Variants in CSMD1 observed in about 807,000 individuals in gnomAD.
CSMD1 encodes the protein CUB and Sushi multiple domains 1, also known as CUB and sushi domain-containing protein 1.
In CSMD1, 213 loss-of-function variants were observed where a neutral mutation model predicts 417.5. The ratio of observed to expected loss-of-function variants is 0.51; its 90% CI spans 0.46 to 0.57. The LOEUF (loss-of-function observed/expected upper bound fraction) is 0.57. CSMD1 is among the 20% of genes least tolerant of loss of function. CSMD1 has a pLI of 0.00. For synonymous variants in CSMD1, 2,862 were observed against 1,736.8 expected (o/e 1.65, Z -16.11); for missense variants, 6,923 against 4,529.7 (o/e 1.53, Z -15.17).
At chr8:4,761,158 T>C (rs1434885414) in intron 1 of CSMD1, among the ~76,000 whole-genome samples, 1 of 152,032 alleles carries the variant, frequency 6.6e-6, no homozygotes. Flanking sequence ...ATGAAAAAAG[T>C]CACTATGAAA....
At chr8:4,002,094 T>G (rs573478328) in intron 4 of CSMD1, among the ~76,000 whole-genome samples, 1 of 152,280 alleles carries the variant, frequency 6.6e-6, no homozygotes, top group African/African-American at 2.4e-5. Flanking sequence ...TAATTGAATA[T>G]TACACATATA....
At chr8:4,701,172 G>A (rs1807513850) in intron 1 of CSMD1, among the ~76,000 whole-genome samples, 1 of 151,984 alleles carries the variant, frequency 6.6e-6, no homozygotes, top group South Asian at 2.1e-4. Flanking sequence ...CACAGCTAGG[G>A]GAGAGTCCGT....
intron 3 of CSMD1, among the ~76,000 whole-genome samples, chr8:4,164,409 T>A (rs1356477614): frequency 6.6e-6 from 1 of 152,168 alleles, no homozygotes; most frequent in African/African-American, 2.4e-5. Flanking sequence ...TAAGTGATGC[T>A]AATATCCTTG....
At chr8:3,858,003 A>T (rs1310704167) in intron 5 of CSMD1, among the ~76,000 whole-genome samples, 1 of 152,232 alleles carries the variant, frequency 6.6e-6, no homozygotes, top group East Asian at 1.9e-4. Flanking sequence ...TCTCTGCACA[A>T]GATTGCTCTG....
intron 5 of CSMD1, among the ~76,000 whole-genome samples, chr8:3,968,180 C>G (rs934551626): frequency 8.2e-6 from 1 of 121,824 alleles, no homozygotes; most frequent in African/African-American, 3.4e-5. Flanking sequence ...GAGCGAGACT[C>G]CGTCTCAAAT....
At chr8:4,078,396 G>C (rs1369485651) in intron 3 of CSMD1, among the ~76,000 whole-genome samples, 2 of 144,838 alleles carry the variant, frequency 1.4e-5, no homozygotes, top group East Asian at 2.1e-4. Flanking sequence ...CTCACTGCAA[G>C]CTCCACCTCC....
chr8:4,422,331 C>T (rs890916689), intron 2 of CSMD1, among the ~76,000 whole-genome samples: 2 of 152,062 alleles, frequency 1.3e-5, no homozygotes, highest in African/African-American at 2.4e-5. Context: ...AATTATGCTC[C>T]TCCCACCAAT....
intron 1 of CSMD1, among the ~76,000 whole-genome samples, chr8:4,857,842 G>A (rs990228504): frequency 4.0e-5 from 6 of 151,878 alleles, no homozygotes; most frequent in Non-Finnish European, 7.4e-5. Context: ...GGTACAAGGA[G>A]GAACTGGTAC....
intron 7 of CSMD1, among the ~76,000 whole-genome samples, chr8:3,624,614 A>G (rs965246654): frequency 6.6e-6 from 1 of 152,174 alleles, no homozygotes. Flanking sequence ...TATCTGCATA[A>G]CCATCAGGAA....
chr8:3,515,565 G>C (rs995910751), intron 10 of CSMD1, among the ~76,000 whole-genome samples: 10 of 152,204 alleles, frequency 6.6e-5, no homozygotes, highest in Non-Finnish European at 1.3e-4. Flanking sequence ...CTCTCCCATT[G>C]CCGTTTTCGG....
At chr8:4,891,751 A>G (rs147825773) in intron 1 of CSMD1, among the ~76,000 whole-genome samples, 2 of 152,130 alleles carry the variant, frequency 1.3e-5, no homozygotes, top group African/African-American at 2.4e-5. Context: ...ATTATTTCCC[A>G]AAACTCCCTA....
At chr8:4,385,813 A>G (rs1438338424) in intron 3 of CSMD1, among the ~76,000 whole-genome samples, 6 of 152,186 alleles carry the variant, frequency 3.9e-5, no homozygotes, top group Admixed American at 3.9e-4. Flanking sequence ...CTCATAGCTT[A>G]AAAATTATTT....
intron 22 of CSMD1, among the ~76,000 whole-genome samples, chr8:3,345,349 T>C (rs1807919118): frequency 6.6e-6 from 1 of 152,090 alleles, no homozygotes; most frequent in African/African-American, 2.4e-5. Flanking sequence ...CAATTCTGCG[T>C]TCTTTATCCA....
rs151158309 is a variant in CSMD1 at position 4,449,488 on chromosome 8, A to C, written c.303-29423T>G. ...TATTAAAACCATCATCCTTCAGTGTAATATGAAGTTACTTGTCATTTTTTG... is the reference window on the plus strand; with the variant it reads ...TATTAAAACCATCATCCTTCAGTGTCATATGAAGTTACTTGTCATTTTTTG... On this transcript the variant is annotated intron_variant, in intron 2 of 69. Coordinates refer to ENST00000635120, the MANE Select transcript of CSMD1 (RefSeq NM_033225.6). Among the ~76,000 whole-genome samples, 67 of 152,290 alleles carry C rather than the reference A, an allele frequency of 4.4e-4. 2 individuals carry two copies. In the East Asian group the frequency reaches 0.013, roughly 29 times the overall value.
At chr8:3,290,993 C>A (rs4875525) in intron 25 of CSMD1, among the ~76,000 whole-genome samples, 17 of 151,830 alleles carry the variant, frequency 1.1e-4, no homozygotes, top group African/African-American at 3.6e-4. Context: ...TTTTGAGATA[C>A]GTCCCATCAA....
chr8:4,292,513 G>A (rs111515499), intron 3 of CSMD1, among the ~76,000 whole-genome samples: 10,702 of 152,024 alleles, frequency 0.07, 451 homozygotes, highest in South Asian at 0.16. Flanking sequence ...TGGCCTCCCC[G>A]AGTGCTGGGA....
At chr8:4,730,977 G>C (rs1809816620) in intron 1 of CSMD1, among the ~76,000 whole-genome samples, 2 of 152,092 alleles carry the variant, frequency 1.3e-5, no homozygotes, top group Non-Finnish European at 2.9e-5. Context: ...TACTCATTTA[G>C]GAAGGCTTGG....
At chr8:4,162,636 G>A (rs1280103384) in intron 3 of CSMD1, among the ~76,000 whole-genome samples, 1 of 152,008 alleles carries the variant, frequency 6.6e-6, no homozygotes, top group East Asian at 1.9e-4. Context: ...TGAGTAGAAG[G>A]TACACTGATA....
chr8:3,232,464 G>T (rs1178112373), intron 26 of CSMD1, among the ~76,000 whole-genome samples: 2 of 152,112 alleles, frequency 1.3e-5, no homozygotes, highest in East Asian at 3.9e-4. Flanking sequence ...TTGCAGGAAT[G>T]CACCATGATT....
Sources: allele counts gnomAD v4.1 joint callset (sites outside exome capture counted in the v4.1 genomes callset), GRCh38; gene constraint gnomAD v4.1.1; transcripts MANE v1.5; gene names NCBI Gene and HGNC (gene_info 2026-07-23, HGNC 2026-07-21).